The following ODR4 variants were observed in gnomAD, a reference collection of about 807,000 sequenced individuals.
ODR4 encodes the protein odr-4 GPCR localization factor homolog.
A neutral mutation model predicts 60.2 loss-of-function variants in ODR4; 47 were observed. That is an observed-to-expected ratio of 0.78 (90% confidence interval 0.62 to 1.00). ODR4 has a LOEUF of 1.00. Ranked by LOEUF, ODR4 falls within the 50% of genes least tolerant of loss-of-function variation. The probability of loss-of-function intolerance (pLI) is 0.00; values close to 1 mark genes in which losing one functional copy is unlikely to be tolerated. For synonymous variants in ODR4, 178 were observed against 175.5 expected, an observed-to-expected ratio of 1.01 and a Z score of -0.11; for missense variants, 488 against 530.8, an observed-to-expected ratio of 0.92 and a Z score of 0.79.
Position 186,398,938 on chromosome 1 carries a change from G to GT in ODR4, c.910-15dup. ...TTTTATTTCTTACTGTGTTTTTTGT[G>GT]TGTTTTTCCCTGTAGGCAGTAAAGA... On this transcript the variant is annotated splice_polypyrimidine_tract_variant and intron_variant, in intron 10 of 13. Coordinates refer to ENST00000287859, the MANE Select transcript of ODR4 (RefSeq NM_017847.6). 1 of 1,551,662 alleles carries GT rather than the reference G, an allele frequency of 6.4e-7. No homozygotes were observed. Among genetic ancestry groups the GT allele is most frequent in the African/African-American group, 1.4e-5 (1 of 72,352 alleles).
intron 3 of ODR4, among the ~76,000 whole-genome samples, chr1:186,384,604 C>CACAG (rs1660181514): frequency 1.3e-5 from 2 of 151,210 alleles, no homozygotes; most frequent in East Asian, 1.9e-4. Context: ...CACACACACA[C>CACAG]AGAATATTAA....
intron 7 of ODR4, among the ~76,000 whole-genome samples, chr1:186,391,089 CTAAA>C (rs1170178388): frequency 3.3e-5 from 5 of 152,050 alleles, no homozygotes; most frequent in Non-Finnish European, 7.4e-5. Context: ...AGTTGTTAGA[CTAAA>C]TATACTAGTA....
downstream of ODR4, among the ~76,000 whole-genome samples, chr1:186,425,010 A>G (rs769036587): frequency 1.7e-4 from 26 of 151,790 alleles, no homozygotes; most frequent in Non-Finnish European, 2.9e-4. Flanking sequence ...GGAAGGGGTC[A>G]TGCATACACG....
intron 12 of ODR4, among the ~76,000 whole-genome samples, chr1:186,412,242 T>A (rs1018610458): frequency 6.6e-6 from 1 of 152,202 alleles, no homozygotes; most frequent in Non-Finnish European, 1.5e-5. Flanking sequence ...TATTAATATC[T>A]AATTATTTGA....
downstream of ODR4, among the ~76,000 whole-genome samples, chr1:186,423,443 CTTTTTTTTTTTTTTT>C (rs34515188): frequency 1.5e-3 from 68 of 44,720 alleles, 1 homozygote; most frequent in African/African-American, 5.2e-3. Flanking sequence ...ACTACTTGTG[CTTTTTTTTTTTTTTT>C]TTTTTTTTTT....
chr1:186,385,108 G>A (rs1660204244), intron 3 of ODR4, among the ~76,000 whole-genome samples: 1 of 151,766 alleles, frequency 6.6e-6, no homozygotes, highest in African/African-American at 2.4e-5. Flanking sequence ...TCCACCTCAA[G>A]GGATTTGTCC....
chr1:186,404,699 A>C (rs1558087910), intron 11 of ODR4, among the ~76,000 whole-genome samples: 1 of 152,208 alleles, frequency 6.6e-6, no homozygotes, highest in East Asian at 1.9e-4. Flanking sequence ...TAATACACAG[A>C]ATCTGGAAGG....
At position 186,413,661 on chromosome 1, in the gene ODR4, T is replaced by C. The variant is rs921021332; in HGVS notation, c.1187-3883T>C. The stretch of plus-strand genomic sequence containing the variant: ...CCAATATCAGAGCTGAGATTAATTT[T>C]TGTCATTTGGTTAAACATTGACAAT... On this transcript the variant is annotated intron_variant, in intron 12 of 13. Transcript: ENST00000287859. Among the ~76,000 whole-genome samples the C allele has an allele frequency of 3.9e-5, 6 of 152,218 alleles. 1 individual carries two copies. Among genetic ancestry groups the C allele is most frequent in the African/African-American group, 1.4e-4 (6 of 41,456 alleles).
At position 186,383,130 on chromosome 1, in the gene ODR4, G is replaced by A. The variant is rs1010626606; in HGVS notation, c.208G>A (p.Glu70Lys). The A allele has an allele frequency of 2.6e-6, 4 of 1,554,678 alleles. No individual in the cohort carries two copies. The highest frequency in any genetic ancestry group is 1.2e-5 in the South Asian group (1 of 84,180). The change falls in exon 3 of 14, where the codon GAA becomes AAA. Residue 70 changes from glutamate (E) to lysine (K), a missense_variant. Glu to Lys is a moderately conservative substitution (Grantham distance 56). Transcript: ENST00000287859. ...AGCTAAGTTGGATAACTTGGATGAAGAATGGGCCACAGAACATGCCTGCCA... is the reference window on the plus strand; with the variant it reads ...AGCTAAGTTGGATAACTTGGATGAAAAATGGGCCACAGAACATGCCTGCCA... ...PKAKLDNLDE[E>K]WATEHACQVS... is the part of the protein sequence containing the mutation.
rs765838131 is a variant in ODR4 at position 186,389,572 on chromosome 1, T to C, written c.438-16T>C. The stretch of plus-strand genomic sequence containing the variant: ...ATAATGCCTTTTTTGGTTATTTCTG[T>C]CCTTAATTAGTGAAGAATATTTTGT... On this transcript the variant is annotated splice_polypyrimidine_tract_variant and intron_variant, in intron 5 of 13. Transcript: ENST00000287859. 92 of 1,533,042 alleles carry C rather than the reference T, an allele frequency of 6.0e-5. No individual in the cohort carries two copies. Among genetic ancestry groups the C allele is most frequent in the Non-Finnish European group, 7.9e-5 (89 of 1,125,278 alleles). 95.0% of individuals were successfully genotyped at this position (1,533,042 alleles called of 1,614,324 possible).
intron 6 of ODR4, 138 bp downstream of exon 6, chr1:186,389,762 A>G: frequency 1.6e-6 from 1 of 607,866 alleles, no homozygotes; most frequent in Admixed American, 3.8e-5. Flanking sequence ...TTTTATTTTG[A>G]AATATGATTA....
intron 12 of ODR4, among the ~76,000 whole-genome samples, chr1:186,414,854 A>G (rs1168235109): frequency 6.6e-6 from 1 of 152,172 alleles, no homozygotes; most frequent in Non-Finnish European, 1.5e-5. Context: ...ATTTGCTCAT[A>G]GAAGAGCCGA....
At chr1:186,405,634 C>A (rs1661143568) in intron 11 of ODR4, among the ~76,000 whole-genome samples, 1 of 152,114 alleles carries the variant, frequency 6.6e-6, no homozygotes, top group Admixed American at 6.5e-5. Flanking sequence ...CTCACCGCAA[C>A]CTCCACCTCC....
At chr1:186,433,702 T>C in the ODR4 span, among the ~76,000 whole-genome samples, 1 of 152,158 alleles carries the variant, frequency 6.6e-6, no homozygotes, top group Non-Finnish European at 1.5e-5. Context: ...TGCCTCAGCC[T>C]TCCAAGTAGC....
intron 1 of ODR4, among the ~76,000 whole-genome samples, chr1:186,377,754 G>A (rs1379256839): frequency 6.6e-6 from 1 of 152,116 alleles, no homozygotes; most frequent in East Asian, 1.9e-4. Context: ...TGTCAAAAAA[G>A]AGCTAGGAAG....
At chr1:186,379,681 A>G (rs1375759276) in intron 1 of ODR4, 86 bp from the exon 2 acceptor site, 9 of 690,324 alleles carry the variant, frequency 1.3e-5, no homozygotes, top group Non-Finnish European at 2.2e-5. Context: ...GGATAGTATC[A>G]CTTCTCTTGC....
At chr1:186,408,559 T>C (rs1302201161) in intron 12 of ODR4, among the ~76,000 whole-genome samples, 1 of 149,898 alleles carries the variant, frequency 6.7e-6, no homozygotes, top group African/African-American at 2.4e-5. Flanking sequence ...CATAAACATG[T>C]AATATAAACA....
At chr1:186,401,158 C>T in intron 11 of ODR4, 1 of 1,594,120 alleles carries the variant, frequency 6.3e-7, no homozygotes, top group Non-Finnish European at 8.6e-7. Flanking sequence ...TCCTGGTATT[C>T]TTTCATATTG....
intron 9 of ODR4, among the ~76,000 whole-genome samples, chr1:186,397,916 T>C (rs1045728026): frequency 2.0e-5 from 3 of 152,232 alleles, no homozygotes; most frequent in African/African-American, 7.2e-5. Flanking sequence ...TTGTATTTGT[T>C]ATTGTGAACT....
Sources: allele counts gnomAD v4.1 joint callset (sites outside exome capture counted in the v4.1 genomes callset), GRCh38; gene constraint gnomAD v4.1.1; transcripts MANE v1.5; gene names NCBI Gene and HGNC (gene_info 2026-07-23, HGNC 2026-07-21).